The following AFF3 variants were observed in gnomAD, a reference collection of about 807,000 sequenced individuals.
AFF3 encodes AF4/FMR2 family member 3.
A neutral mutation model predicts 129.7 loss-of-function variants in AFF3; 32 were observed. The ratio of observed to expected loss-of-function variants is 0.25; its 90% CI spans 0.19 to 0.33. AFF3 has a LOEUF of 0.33. Ranked by LOEUF, AFF3 falls within the 10% of genes least tolerant of loss-of-function variation. AFF3 has a pLI of 1.00. For synonymous variants in AFF3, 644 were observed against 635.4 expected, an observed-to-expected ratio of 1.01 and a Z score of -0.20; for missense variants, 1,373 against 1,592.0, an observed-to-expected ratio of 0.86 and a Z score of 2.34.
chr2:99,896,620 C>CT (rs35573862), intron 7 of AFF3, among the ~76,000 whole-genome samples: 1,616 of 36,000 alleles, frequency 0.045, 590 homozygotes, highest in African/African-American at 0.069. Context: ...TGTCAAAATG[C>CT]TTTTTTTTTT....
chr2:99,991,734 G>A (rs1489123254), intron 7 of AFF3, among the ~76,000 whole-genome samples: 1 of 151,842 alleles, frequency 6.6e-6, no homozygotes, highest in Non-Finnish European at 1.5e-5. Flanking sequence ...GAAACCCCGT[G>A]TCTACTAAAA....
At chr2:99,552,383 C>T (rs1674492390) in intron 24 of AFF3, among the ~76,000 whole-genome samples, 1 of 152,148 alleles carries the variant, frequency 6.6e-6, no homozygotes, top group African/African-American at 2.4e-5. Flanking sequence ...GAGCAAGACT[C>T]CGCCTCAAAA....
intron 4 of AFF3, among the ~76,000 whole-genome samples, chr2:100,035,572 C>G (rs1684831723): frequency 1.3e-5 from 2 of 152,182 alleles, no homozygotes; most frequent in African/African-American, 4.8e-5. Flanking sequence ...GCAGAAAGAG[C>G]ATTACTTGGA....
chr2:99,837,605 C>A lies in AFF3; in HGVS notation c.874-81G>T, dbSNP rs199999320. 2,259 of 1,299,260 alleles carry A rather than the reference C, an allele frequency of 1.7e-3. 30 individuals carry two copies. The African/African-American group carries it at 0.033, about 19-fold the overall frequency. 80.5% of individuals were successfully genotyped at this position (1,299,260 alleles called of 1,614,324 possible). A position where few individuals can be genotyped will look rare whatever the true frequency, so the allele number is the denominator to read the frequency against. On this transcript the variant is annotated intron_variant, in intron 7 of 24. Coordinates refer to ENST00000672756, the MANE Select transcript of AFF3 (RefSeq NM_001386135.1). ...AAGACATGCAAGGTTCCAAATTAGT[C>A]CCCCCCAACAAAAAAATTCAGCGAG...
rs1007247072 is a variant in AFF3, at chr2:99,736,134, T to C, written c.1039+7970A>G. ...CTGCAGCTGTTGGGTAATGTACTCT[T>C]GCTCATTGTGTTGTTTAAATCTTAT... On this transcript the variant is annotated intron_variant, in intron 10 of 24. Transcript: ENST00000672756. Among the ~76,000 whole-genome samples, 5 of 152,214 alleles carry C rather than the reference T, an allele frequency of 3.3e-5. No individual in the cohort carries two copies. The East Asian group carries it at 9.6e-4, about 29-fold the overall frequency.
At chr2:99,802,891 T>C (rs1040990936) in intron 8 of AFF3, among the ~76,000 whole-genome samples, 1 of 152,098 alleles carries the variant, frequency 6.6e-6, no homozygotes, top group Non-Finnish European at 1.5e-5. Context: ...TGTACAATCA[T>C]ATTACCAGCA....
Position 99,548,996 on chromosome 2 carries a change from C to A in AFF3, c.*2478G>T, listed in dbSNP as rs1476057447. On this transcript the variant is annotated 3_prime_UTR_variant, in exon 25 of 25. Coordinates refer to ENST00000672756, the MANE Select transcript of AFF3 (RefSeq NM_001386135.1). Reference sequence around the variant, plus strand: ...AAGAAGTTTTCCTGGGAAATGTGGGCCATCAGAGTGCTGATAAAACACTGC... The same window carrying A: ...AAGAAGTTTTCCTGGGAAATGTGGGACATCAGAGTGCTGATAAAACACTGC... The A allele has an allele frequency of 4.4e-6, 1 of 229,768 alleles. No individual in the cohort carries two copies. The highest frequency in any genetic ancestry group is 2.2e-5 in the African/African-American group (1 of 45,156). The allele number at this position is 229,768 out of a possible 1,614,324, so 14.2% of individuals were successfully genotyped here.
intron 13 of AFF3, among the ~76,000 whole-genome samples, chr2:99,623,713 A>C (rs1250340234): frequency 6.6e-6 from 1 of 152,214 alleles, no homozygotes; most frequent in African/African-American, 2.4e-5. Context: ...TTGTGCTGTC[A>C]GCTTGGGGCA....
chr2:99,872,203 A>T (rs28682406), intron 7 of AFF3, among the ~76,000 whole-genome samples: 2 of 126,586 alleles, frequency 1.6e-5, no homozygotes, highest in Admixed American at 8.6e-5. Flanking sequence ...GCGAGACTCC[A>T]TCTCAAAAAA....
At chr2:99,573,262 T>TTCTC (rs3838577) in intron 18 of AFF3, among the ~76,000 whole-genome samples, 12 of 151,500 alleles carry the variant, frequency 7.9e-5, no homozygotes, top group African/African-American at 2.9e-4. Context: ...CTTCATTTCT[T>TTCTC]TCTCTCTCTC....
At chr2:99,612,934 A>G (rs1681072089) in intron 13 of AFF3, among the ~76,000 whole-genome samples, 1 of 152,382 alleles carries the variant, frequency 6.6e-6, no homozygotes, top group South Asian at 2.1e-4. Flanking sequence ...GAGGAAAAAA[A>G]TGCTGGAAGG....
chr2:99,601,718 G>A lies in AFF3; in HGVS notation c.1185-97C>T, dbSNP rs1679859817. 13 of 1,401,204 alleles carry A rather than the reference G, an allele frequency of 9.3e-6. No homozygotes were observed. The South Asian group carries it at 1.5e-4, about 16-fold the overall frequency. 86.8% of individuals were successfully genotyped at this position (1,401,204 alleles called of 1,614,324 possible). A position where few individuals can be genotyped will look rare whatever the true frequency, so the allele number is the denominator to read the frequency against. On this transcript the variant is annotated intron_variant, in intron 13 of 24. Coordinates refer to ENST00000672756, the MANE Select transcript of AFF3 (RefSeq NM_001386135.1). ...AGCTGTCATGCACCCTAAAGAGGGAGGAGGCACGCAGCCTACACATCTGTC... is the reference window on the plus strand; with the variant it reads ...AGCTGTCATGCACCCTAAAGAGGGAAGAGGCACGCAGCCTACACATCTGTC...
At chr2:99,623,589 G>A (rs1682260546) in intron 13 of AFF3, among the ~76,000 whole-genome samples, 1 of 152,224 alleles carries the variant, frequency 6.6e-6, no homozygotes, top group Admixed American at 6.5e-5. Context: ...ACCGACACGG[G>A]AGAGAAGACA....
intron 4 of AFF3, among the ~76,000 whole-genome samples, chr2:100,042,160 G>A (rs1200113543): frequency 6.6e-6 from 1 of 152,056 alleles, no homozygotes; most frequent in African/African-American, 2.4e-5. Flanking sequence ...CTAAGAGAAA[G>A]GCCCTTGTCC....
intron 4 of AFF3, among the ~76,000 whole-genome samples, chr2:100,065,585 A>G (rs868135828): frequency 1.3e-5 from 2 of 152,232 alleles, no homozygotes; most frequent in Non-Finnish European, 2.9e-5. Flanking sequence ...AAACTAAATA[A>G]TATTTTCCAC....
At chr2:99,650,446 T>C (rs571025136) in intron 12 of AFF3, among the ~76,000 whole-genome samples, 3 of 152,002 alleles carry the variant, frequency 2.0e-5, no homozygotes, top group East Asian at 3.9e-4. Flanking sequence ...GTAGTCCCAG[T>C]GACTCAGGAG....
intron 10 of AFF3, among the ~76,000 whole-genome samples, chr2:99,730,881 A>G (rs915727725): frequency 5.9e-5 from 9 of 152,188 alleles, no homozygotes; most frequent in African/African-American, 2.2e-4. Flanking sequence ...AAAAATGAAC[A>G]GAAAAGAAAA....
chr2:99,716,329 T>C (rs1678379148), intron 11 of AFF3, among the ~76,000 whole-genome samples: 1 of 152,214 alleles, frequency 6.6e-6, no homozygotes, highest in Non-Finnish European at 1.5e-5. Context: ...TCTGGGATAG[T>C]AGCAGAATGG....
chr2:100,060,955 T>C (rs1325309444), intron 4 of AFF3, among the ~76,000 whole-genome samples: 2 of 152,226 alleles, frequency 1.3e-5, no homozygotes, highest in East Asian at 3.8e-4. Context: ...ATGACGTTGA[T>C]GGTCTTGAGG....
Sources: allele counts gnomAD v4.1 joint callset (sites outside exome capture counted in the v4.1 genomes callset), GRCh38; gene constraint gnomAD v4.1.1; transcripts MANE v1.5; gene names NCBI Gene and HGNC (gene_info 2026-07-23, HGNC 2026-07-21).